Variants in TRRAP observed in about 807,000 individuals in gnomAD.
The protein encoded by TRRAP is transformation/transcription domain-associated protein.
In TRRAP, 41 loss-of-function variants were observed where a neutral mutation model predicts 438.8. The observed-to-expected ratio is 0.09, with a 90% CI of 0.07 to 0.12. The LOEUF is 0.12. Ranked by LOEUF, TRRAP falls within the 10% of genes least tolerant of loss-of-function variation. TRRAP has a pLI of 1.00. For missense variants in TRRAP, 3,122 were observed against 5,055.1 expected (o/e 0.62, Z 11.60); for synonymous variants, 1,994 against 1,962.9 (o/e 1.02, Z -0.42).
intron 32 of TRRAP, 23 bp downstream of exon 32, chr7:98,945,823 C>T (rs376762549): frequency 3.1e-6 from 5 of 1,595,366 alleles, no homozygotes; most frequent in Non-Finnish European, 4.2e-6. Context: ...TATTAACAGT[C>T]AGTTTCTGAC....
chr7:98,898,898 A>G (rs982427103), intron 8 of TRRAP, among the ~76,000 whole-genome samples: 2 of 152,316 alleles, frequency 1.3e-5, no homozygotes, highest in African/African-American at 2.4e-5. Flanking sequence ...AAAATATGCA[A>G]ACCTTTAGGC....
intron 62 of TRRAP, among the ~76,000 whole-genome samples, chr7:98,986,293 A>G (rs573500996): frequency 2.0e-5 from 3 of 152,306 alleles, no homozygotes; most frequent in Non-Finnish European, 4.4e-5. Flanking sequence ...TCTCTTGGTT[A>G]TATACCTGGG....
chr7:99,011,555 TA>T lies in TRRAP; in HGVS notation c.11337+21del, dbSNP rs760202141. Reference sequence around the variant, plus strand: ...TTTAAGGTGGGTCTCCACGTCGTCCTATCACAGGCGCAGGCTAGAGCCACTC... The same window carrying T: ...TTTAAGGTGGGTCTCCACGTCGTCCTTCACAGGCGCAGGCTAGAGCCACTC... On this transcript the variant is annotated intron_variant, in intron 72 of 72. Coordinates refer to ENST00000456197, the MANE Select transcript of TRRAP (RefSeq NM_001375524.1). The surrounding 1 kb of genome is among the most constrained non-coding windows in gnomAD (Gnocchi z 7.1). 6.2e-7 allele frequency: 1 copy of T among 1,608,170 alleles called. No individual in the cohort carries two copies. The highest frequency in any genetic ancestry group is 1.7e-5 in the Admixed American group (1 of 59,476).
intron 33 of TRRAP, among the ~76,000 whole-genome samples, chr7:98,946,653 C>T (rs550389519): frequency 6.6e-6 from 1 of 152,032 alleles, no homozygotes; most frequent in African/African-American, 2.4e-5. Flanking sequence ...TGACAACACA[C>T]ATGCACACAC....
At position 98,959,458 on chromosome 7, in the gene TRRAP, C is replaced by G. The variant is rs1250876094; in HGVS notation, c.6457C>G (p.Leu2153Val). 1 of 1,613,826 alleles carries G rather than the reference C, an allele frequency of 6.2e-7. No homozygotes were observed. Among genetic ancestry groups the G allele is most frequent in the Non-Finnish European group, 8.5e-7 (1 of 1,179,996 alleles). Residue 2153 changes from leucine (L) to valine (V), a missense_variant, in exon 45 of 73, where the codon CTG (leucine) becomes GTG (valine). Coordinates refer to ENST00000456197, the MANE Select transcript of TRRAP (RefSeq NM_001375524.1). ...CATGTGGCCCAAGTCCGAACTCAAG[C>G]TGCAGTGGTTCGACAAGCTGCTGAT... is the stretch of plus-strand genomic sequence containing the variant. ...PDMWPKSELK[L>V]QWFDKLLMTV...
intron 67 of TRRAP, chr7:98,999,287 A>C (rs1793810426): frequency 1.7e-6 from 2 of 1,208,736 alleles, no homozygotes; most frequent in Admixed American, 1.7e-5. Flanking sequence ...GGAACAGTCT[A>C]CTATTAAAGC....
chr7:98,934,068 C>T (rs1039985156), intron 27 of TRRAP, among the ~76,000 whole-genome samples: 1 of 152,152 alleles, frequency 6.6e-6, no homozygotes, highest in Non-Finnish European at 1.5e-5. Flanking sequence ...CAGATGGCAT[C>T]TTATGAGTAT....
chr7:98,986,700 T>A (rs927512060), intron 62 of TRRAP, among the ~76,000 whole-genome samples: 2 of 152,242 alleles, frequency 1.3e-5, no homozygotes, highest in African/African-American at 4.8e-5. Flanking sequence ...GTTTTTAATT[T>A]TGATGAAGTC....
At chr7:99,008,236 T>C in intron 69 of TRRAP, 141 bp from the exon 70 acceptor site, 1 of 811,756 alleles carries the variant, frequency 1.2e-6, no homozygotes. Flanking sequence ...GGATGGTGCA[T>C]GACCACCGGG....
At chr7:99,001,409 T>G (rs1562979878) in intron 67 of TRRAP, among the ~76,000 whole-genome samples, 2 of 152,248 alleles carry the variant, frequency 1.3e-5, no homozygotes, top group African/African-American at 2.4e-5. Flanking sequence ...GATGAAAGTT[T>G]TATGGAAATC....
At chr7:98,959,524 C>T (rs572438159) in intron 45 of TRRAP, 34 bp downstream of exon 45, 9 of 1,599,112 alleles carry the variant, frequency 5.6e-6, no homozygotes, top group African/African-American at 1.3e-5. Flanking sequence ...CAGGGCAGCG[C>T]CACCGAGGCC....
In TRRAP at chr7:98,917,438, A is replaced by G; in HGVS notation, c.2381A>G (p.Gln794Arg). 6.2e-7 allele frequency: 1 copy of G among 1,614,144 alleles called. No homozygotes were observed. Among genetic ancestry groups the G allele is most frequent in the East Asian group, 2.2e-5 (1 of 44,870 alleles). The change falls in exon 20 of 73, where the codon CAG (glutamine) becomes CGG (arginine). Residue 794 changes from glutamine (Q) to arginine (R), a missense_variant. Around this residue, in one of 24 missense-constraint regions of TRRAP, gnomAD observed 149 missense variants for 302.8 expected, o/e 0.49. Coordinates refer to ENST00000456197, the MANE Select transcript of TRRAP (RefSeq NM_001375524.1). ...CCTTCCCTAGGGCTGAACATGCTTC[A>G]GAGTGGCCTGCACAAGCAGCACATG... ...PNLLQGLNML[Q>R]SGLHKQHMKD...
chr7:98,971,941 T>C lies in TRRAP; in HGVS notation c.7835T>C (p.Val2612Ala). The C allele has an allele frequency of 6.2e-7, 1 of 1,613,978 alleles. No homozygotes were observed. The highest frequency in any genetic ancestry group is 8.5e-7 in the Non-Finnish European group (1 of 1,179,948). ...AAGTTTCTGGACACTCTCCGAGAGG[T>C]GAAGGTCTGTACGCAGCTTGGAAAG... The part of the protein sequence containing the change: ...HDKFLDTLRE[V>A]KTGALLSAFV... The change falls in exon 53 of 73, where the codon GTG becomes GCG. Residue 2612 changes from valine to alanine, a missense_variant. Transcript: ENST00000456197.
At chr7:98,961,833 C>T (rs951491750) in intron 46 of TRRAP, among the ~76,000 whole-genome samples, 1 of 152,114 alleles carries the variant, frequency 6.6e-6, no homozygotes, top group South Asian at 2.1e-4. Context: ...GCAGGAGAAT[C>T]GCTTGAACCC....
chr7:98,887,384 G>T (rs955605205), intron 3 of TRRAP, among the ~76,000 whole-genome samples: 3 of 152,170 alleles, frequency 2.0e-5, no homozygotes, highest in Admixed American at 2.0e-4. Flanking sequence ...GGTTGTGGGT[G>T]TTTCATAAAA....
At position 98,967,104 on chromosome 7, in the gene TRRAP, T is replaced by C; in HGVS notation, c.7240T>C (p.Phe2414Leu). ...GATGATGACTTACATAGAAAAACGC[T>C]TTCCGGAAGACCTTGAATTAAATGC... Reference protein sequence around the residue: ...VKMMTYIEKRFPEDLELNAQF... With the variant: ...VKMMTYIEKRLPEDLELNAQF... Residue 2414 changes from phenylalanine to leucine, a missense_variant, in exon 50 of 73, where the codon TTT becomes CTT. Physicochemically the swap from Phe to Leu is conservative, Grantham distance 22. This residue lies in a region of TRRAP where 992 missense variants were observed against 1,281.2 expected (regional missense o/e 0.77). Transcript: ENST00000456197. The C allele has an allele frequency of 6.2e-7, 1 of 1,614,128 alleles. No homozygotes were observed. Among genetic ancestry groups the C allele is most frequent in the Non-Finnish European group, 8.5e-7 (1 of 1,180,008 alleles).
intron 4 of TRRAP, 41 bp from the exon 5 acceptor site, chr7:98,892,383 A>C (rs1554405036): frequency 1.3e-6 from 2 of 1,501,922 alleles, no homozygotes; most frequent in South Asian, 2.3e-5. Flanking sequence ...GAACCCTTGG[A>C]AGTATTTTTA....
At position 98,886,357 on chromosome 7, in the gene TRRAP, T is replaced by G. The variant is rs149666768; in HGVS notation, c.151-3978T>G. ...ATATAGATAGATATAGATATCTATA[T>G]AGATAGAGATAGATATAGATATCTA... On this transcript the variant is annotated intron_variant, in intron 3 of 72. Transcript: ENST00000456197. Among the ~76,000 whole-genome samples the G allele has an allele frequency of 1.7e-4, 26 of 148,706 alleles. 1 individual carries two copies. The highest frequency in any genetic ancestry group is 1.7e-3 in the East Asian group (9 of 5,168).
intron 64 of TRRAP, among the ~76,000 whole-genome samples, chr7:98,991,118 C>T (rs1028789519): frequency 1.3e-5 from 2 of 152,268 alleles, no homozygotes; most frequent in East Asian, 1.9e-4. Flanking sequence ...GCCGGGGAAG[C>T]GGACAGCCCA....
Sources: allele counts gnomAD v4.1 joint callset (sites outside exome capture counted in the v4.1 genomes callset), GRCh38; gene constraint gnomAD v4.1.1; regional missense constraint gnomAD v4.1.1; non-coding constraint Gnocchi (gnomAD v3.1); transcripts MANE v1.5; gene names NCBI Gene and HGNC (gene_info 2026-07-23, HGNC 2026-07-21).